The following SETBP1 variants were observed in gnomAD, a reference collection of about 807,000 sequenced individuals.
SETBP1 encodes SET-binding protein.
In SETBP1, 9 loss-of-function variants were observed where a neutral mutation model predicts 101.0. The ratio of observed to expected loss-of-function variants is 0.09; its 90% CI spans 0.05 to 0.16. SETBP1 has a LOEUF of 0.16. SETBP1 is among the 10% of genes least tolerant of loss of function. The pLI is 1.00. For synonymous variants in SETBP1, 818 were observed against 788.5 expected (o/e 1.04, Z -0.63); for missense variants, 1,858 against 2,033.8 (o/e 0.91, Z 1.66).
chr18:45,025,907 C>A (rs716152), intron 4 of SETBP1, among the ~76,000 whole-genome samples: 44,118 of 152,074 alleles, frequency 0.29, 7,315 homozygotes, highest in East Asian at 0.52. Context: ...GTGCATTTAT[C>A]TGTTTAGACA....
At position 44,820,415 on chromosome 18, in the gene SETBP1, C is replaced by T. The variant is rs2072087234; in HGVS notation, c.487-48815C>T. Among the ~76,000 whole-genome samples the T allele has an allele frequency of 2.6e-5, 4 of 152,282 alleles. No individual in the cohort carries two copies. In the South Asian group the frequency reaches 8.3e-4, roughly 32 times the overall value. ...CATCAAATGCTGAGAGATCTAGCACCTGCTGGTCCTCTATGTGGGCGGGAA... is the reference window on the plus strand; with the variant it reads ...CATCAAATGCTGAGAGATCTAGCACTTGCTGGTCCTCTATGTGGGCGGGAA... On this transcript the variant is annotated intron_variant, in intron 2 of 5. Transcript: ENST00000649279.
At chr18:44,769,289 A>G (rs1240001107) in intron 2 of SETBP1, among the ~76,000 whole-genome samples, 1 of 152,218 alleles carries the variant, frequency 6.6e-6, no homozygotes, top group Non-Finnish European at 1.5e-5. Flanking sequence ...AACCTCGGGA[A>G]GCTTTGGACT....
At chr18:44,802,139 G>A (rs1207729251) in intron 2 of SETBP1, among the ~76,000 whole-genome samples, 1 of 152,172 alleles carries the variant, frequency 6.6e-6, no homozygotes, top group African/African-American at 2.4e-5. Flanking sequence ...TCAGATCAGA[G>A]CTGGTGCTTC....
At chr18:44,992,287 G>T (rs1954136435) in intron 4 of SETBP1, among the ~76,000 whole-genome samples, 3 of 151,996 alleles carry the variant, frequency 2.0e-5, no homozygotes, top group Non-Finnish European at 4.4e-5. Flanking sequence ...CAAAACAGGT[G>T]CTGTAGAGAG....
intron 2 of SETBP1, among the ~76,000 whole-genome samples, chr18:44,710,450 G>GGT (rs1555671140): frequency 1.1e-4 from 13 of 123,412 alleles, no homozygotes; most frequent in Non-Finnish European, 1.6e-4. Context: ...CATTTTAGGA[G>GGT]TTTTTTTTTT....
intron 2 of SETBP1, among the ~76,000 whole-genome samples, chr18:44,757,102 A>G (rs2070514107): frequency 6.6e-6 from 1 of 152,074 alleles, no homozygotes; most frequent in Admixed American, 6.5e-5. Flanking sequence ...GCCATCCAAG[A>G]TAAGATACAG....
chr18:44,695,983 C>T (rs2069010955), intron 1 of SETBP1, among the ~76,000 whole-genome samples: 1 of 151,928 alleles, frequency 6.6e-6, no homozygotes, highest in African/African-American at 2.4e-5. Context: ...TACTAAGGGC[C>T]CTATCTCTAC....
intron 4 of SETBP1, among the ~76,000 whole-genome samples, chr18:44,960,887 GC>G (rs2071597527): frequency 6.6e-6 from 1 of 152,148 alleles, no homozygotes; most frequent in Admixed American, 6.5e-5. Flanking sequence ...AAATGCTCAA[GC>G]AAAAAATATA....
At chr18:44,838,309 C>T (rs149966531) in intron 2 of SETBP1, among the ~76,000 whole-genome samples, 29 of 152,268 alleles carry the variant, frequency 1.9e-4, no homozygotes, top group Non-Finnish European at 3.1e-4. Flanking sequence ...GAGCTGTATT[C>T]GCTTCACACC....
At chr18:44,918,112 C>T (rs1383718153) in intron 3 of SETBP1, among the ~76,000 whole-genome samples, 1 of 152,210 alleles carries the variant, frequency 6.6e-6, no homozygotes, top group Non-Finnish European at 1.5e-5. Context: ...ATACTTTCTT[C>T]TCAATAAACA....
chr18:44,813,881 T>A lies in SETBP1; in HGVS notation c.487-55349T>A, dbSNP rs138332291. 2.5e-3 allele frequency among the ~76,000 whole-genome samples: 380 copies of A among 152,308 alleles called. 1 individual carries two copies. Among genetic ancestry groups the A allele is most frequent in the Non-Finnish European group, 4.2e-3 (287 of 68,026 alleles). ...CTGATGGGTTTTTTGTTGTTAACCC[T>A]GGAACCTCCAAATCTCCTGGAGTTG... On this transcript the variant is annotated intron_variant, in intron 2 of 5. Coordinates refer to ENST00000649279, the MANE Select transcript of SETBP1 (RefSeq NM_015559.3).
At chr18:45,000,920 A>G (rs192252665) in intron 4 of SETBP1, among the ~76,000 whole-genome samples, 5 of 152,298 alleles carry the variant, frequency 3.3e-5, no homozygotes, top group Admixed American at 3.3e-4. Flanking sequence ...AGCAATAAAG[A>G]TGAGGACAGG....
At chr18:44,894,284 A>G (rs1267726735) in intron 3 of SETBP1, among the ~76,000 whole-genome samples, 1 of 152,194 alleles carries the variant, frequency 6.6e-6, no homozygotes, top group East Asian at 1.9e-4. Flanking sequence ...TTTAGCCAGC[A>G]GTGCAGGAAG....
At chr18:44,790,373 G>A (rs555810909) in intron 2 of SETBP1, among the ~76,000 whole-genome samples, 20 of 152,232 alleles carry the variant, frequency 1.3e-4, no homozygotes, top group African/African-American at 2.4e-4. Flanking sequence ...ATGGACTCTC[G>A]TTTACAAAGA....
At chr18:44,980,749 AAC>A (rs2072096821) in intron 4 of SETBP1, among the ~76,000 whole-genome samples, 1 of 152,152 alleles carries the variant, frequency 6.6e-6, no homozygotes, top group Non-Finnish European at 1.5e-5. Flanking sequence ...CAGTTTCAGA[AAC>A]AGTTTCCACA....
chr18:45,063,088 C>T lies in SETBP1; in HGVS notation c.4181C>T (p.Ser1394Phe). Residue 1394 changes from serine (S) to phenylalanine (F), a missense_variant, in exon 6 of 6, where the codon TCC becomes TTC. By Grantham distance (155) the Ser-to-Phe change is radical. Around this residue, in one of 12 missense-constraint regions of SETBP1, gnomAD observed 417 missense variants for 389.1 expected, o/e 1.07. Transcript: ENST00000649279. Reference protein sequence around the residue: ...SAATSDAVGSSLKKRFKRREI... With the variant: ...SAATSDAVGSFLKKRFKRREI... ...TCTTCCCCTCCCGCAGTCGGCTCCT[C>T]CCTGAAGAAGAGGTTCAAGCGGCGG... The T allele has an allele frequency of 6.2e-7, 1 of 1,614,024 alleles. No homozygotes were observed. The highest frequency in any genetic ancestry group is 8.5e-7 in the Non-Finnish European group (1 of 1,180,016).
At chr18:44,764,785 A>T (rs1599094339) in intron 2 of SETBP1, among the ~76,000 whole-genome samples, 1 of 151,956 alleles carries the variant, frequency 6.6e-6, no homozygotes, top group African/African-American at 2.4e-5. Context: ...TCTGTTCTTA[A>T]CCTGCCTTAT....
At chr18:44,876,510 A>C in intron 3 of SETBP1, 2 of 1,281,780 alleles carry the variant, frequency 1.6e-6, no homozygotes, top group South Asian at 1.3e-5. Flanking sequence ...TGGGGTCTGG[A>C]TATTGGTATT....
At chr18:44,861,884 C>T (rs1487139208) in intron 2 of SETBP1, among the ~76,000 whole-genome samples, 1 of 152,150 alleles carries the variant, frequency 6.6e-6, no homozygotes, top group East Asian at 1.9e-4. Flanking sequence ...GTGGGACAAA[C>T]TTCTGTAGGT....
Sources: allele counts gnomAD v4.1 joint callset (sites outside exome capture counted in the v4.1 genomes callset), GRCh38; gene constraint gnomAD v4.1.1; regional missense constraint gnomAD v4.1.1; transcripts MANE v1.5; gene names NCBI Gene and HGNC (gene_info 2026-07-23, HGNC 2026-07-21).